RIPOR3: variants seen among roughly 807,000 people sequenced by gnomAD.
The protein encoded by RIPOR3 is RIPOR family member 3.
RIPOR3 carries 95 observed loss-of-function variants against 114.3 expected under a neutral mutation model. The ratio of observed to expected loss-of-function variants is 0.83; its 90% CI spans 0.70 to 0.99. RIPOR3 has a LOEUF of 0.99. RIPOR3 is among the 50% of genes least tolerant of loss of function. RIPOR3 has a pLI of 0.00. For synonymous variants in RIPOR3, 575 were observed against 543.8 expected, an observed-to-expected ratio of 1.06 and a Z score of -0.80; for missense variants, 1,252 against 1,266.9, an observed-to-expected ratio of 0.99 and a Z score of 0.18.
intron 1 of RIPOR3, among the ~76,000 whole-genome samples, chr20:50,677,367 CTTTT>C (rs34725648): frequency 8.3e-5 from 8 of 96,772 alleles, no homozygotes; most frequent in East Asian, 6.1e-4. Flanking sequence ...TCTTGTTTTA[CTTTT>C]TTTTTTTTTT....
intron 1 of RIPOR3, among the ~76,000 whole-genome samples, chr20:50,671,420 GCGCGCGCGCACACACACA>G: frequency 5.5e-5 from 1 of 18,258 alleles, no homozygotes; most frequent in South Asian, 4.5e-3. Flanking sequence ...GCGCGTGCAC[GCGCGCGCGCACACACACA>G]CACACACACA....
intron 1 of RIPOR3, among the ~76,000 whole-genome samples, chr20:50,640,883 T>C (rs1449076986): frequency 6.6e-6 from 1 of 152,076 alleles, no homozygotes; most frequent in African/African-American, 2.4e-5. Flanking sequence ...GTATTCATTG[T>C]TATAGCAAGT....
intron 1 of RIPOR3, among the ~76,000 whole-genome samples, chr20:50,669,088 T>C (rs927642522): frequency 6.6e-6 from 1 of 152,022 alleles, no homozygotes; most frequent in South Asian, 2.1e-4. Flanking sequence ...TATGTACACA[T>C]GGCGCGCACA....
intron 11 of RIPOR3, among the ~76,000 whole-genome samples, chr20:50,607,665 G>C (rs1339231786): frequency 1.3e-5 from 2 of 152,078 alleles, no homozygotes; most frequent in South Asian, 2.1e-4. Flanking sequence ...GACAGGTGAG[G>C]ACCCCGAGGG....
At chr20:50,624,284 C>G (rs898958913) in intron 2 of RIPOR3, among the ~76,000 whole-genome samples, 4 of 152,204 alleles carry the variant, frequency 2.6e-5, no homozygotes, top group Non-Finnish European at 5.9e-5. Flanking sequence ...CAGAGACGGT[C>G]AGGGCTGCAG....
intron 1 of RIPOR3, among the ~76,000 whole-genome samples, chr20:50,684,470 C>T (rs1052947060): frequency 1.3e-5 from 2 of 152,178 alleles, no homozygotes; most frequent in Admixed American, 6.5e-5. Flanking sequence ...GCCCTGCAGG[C>T]CTTGTGGGCC....
chr20:50,620,216 G>T, intron 2 of RIPOR3, 84 bp from the exon 3 acceptor site: 2 of 1,535,184 alleles, frequency 1.3e-6, no homozygotes, highest in South Asian at 2.4e-5. Context: ...TGGAAATAGT[G>T]ACCAGAGCCA....
chr20:50,600,421 G>A (rs1160314699), intron 13 of RIPOR3, among the ~76,000 whole-genome samples: 8 of 152,172 alleles, frequency 5.3e-5, no homozygotes, highest in Non-Finnish European at 7.3e-5. Flanking sequence ...TGTGACAAAT[G>A]TGCATGCCGA....
At chr20:50,655,320 C>T (rs1472617012) in intron 1 of RIPOR3, among the ~76,000 whole-genome samples, 1 of 152,182 alleles carries the variant, frequency 6.6e-6, no homozygotes. Flanking sequence ...GGAGCTGAGA[C>T]GGGGTGGGAA....
At chr20:50,614,647 C>T (rs1332942286) in intron 4 of RIPOR3, 3 of 170,360 alleles carry the variant, frequency 1.8e-5, no homozygotes, top group Non-Finnish European at 4.4e-5. Flanking sequence ...ATACAGGACA[C>T]CTAATTAAAA....
At chr20:50,677,011 T>C (rs1240155805) in intron 1 of RIPOR3, among the ~76,000 whole-genome samples, 1 of 152,188 alleles carries the variant, frequency 6.6e-6, no homozygotes, top group Non-Finnish European at 1.5e-5. Flanking sequence ...TCAACACAGA[T>C]AACTAATAAT....
intron 1 of RIPOR3, among the ~76,000 whole-genome samples, chr20:50,653,478 C>T (rs923203925): frequency 9.2e-5 from 14 of 151,920 alleles, no homozygotes; most frequent in Non-Finnish European, 2.1e-4. Flanking sequence ...CTCTATTACC[C>T]AGGCTGGAGT....
chr20:50,664,416 C>T (rs2086113851), intron 1 of RIPOR3, among the ~76,000 whole-genome samples: 1 of 152,200 alleles, frequency 6.6e-6, no homozygotes, highest in African/African-American at 2.4e-5. Flanking sequence ...AGCAGTCGCA[C>T]TGTTGGCTTT....
intron 1 of RIPOR3, among the ~76,000 whole-genome samples, chr20:50,669,609 G>A (rs2086389250): frequency 6.6e-6 from 1 of 152,200 alleles, no homozygotes; most frequent in South Asian, 2.1e-4. Context: ...GGCTTGGGAG[G>A]AAAGTGCTCT....
In RIPOR3 at chr20:50,660,766, T is replaced by G. The variant is rs1420350871; in HGVS notation, c.4-29910A>C. 5.5e-5 allele frequency among the ~76,000 whole-genome samples: 8 copies of G among 146,164 alleles called. No individual in the cohort carries two copies. The East Asian group carries it at 1.4e-3, about 25-fold the overall frequency. On this transcript the variant is annotated intron_variant, in intron 1 of 21. Coordinates refer to ENST00000327979, the MANE Select transcript of RIPOR3 (RefSeq NM_001290268.2). ...GGATTTACCTTTTTTTTTTTTTTTT[T>G]TTTTTTGAGACAGGGTCTTGCTCTG...
At chr20:50,626,053 G>T (rs2084607117) in intron 2 of RIPOR3, among the ~76,000 whole-genome samples, 1 of 152,252 alleles carries the variant, frequency 6.6e-6, no homozygotes. Flanking sequence ...CTGCCCTCCT[G>T]CCAGGTTGTT....
intron 2 of RIPOR3, among the ~76,000 whole-genome samples, chr20:50,630,219 TG>T: frequency 6.6e-6 from 1 of 152,280 alleles, no homozygotes; most frequent in South Asian, 2.1e-4. Context: ...CCGCCCGCCT[TG>T]GACTCCCAAA....
At chr20:50,655,028 C>T (rs2085759552) in intron 1 of RIPOR3, among the ~76,000 whole-genome samples, 1 of 152,248 alleles carries the variant, frequency 6.6e-6, no homozygotes, top group East Asian at 1.9e-4. Context: ...GGATTATGGG[C>T]GTGAGCCACT....
At chr20:50,620,490 G>C (rs1184840994) in intron 2 of RIPOR3, among the ~76,000 whole-genome samples, 1 of 152,058 alleles carries the variant, frequency 6.6e-6, no homozygotes, top group East Asian at 1.9e-4. Flanking sequence ...AGCCGGATGT[G>C]GTGGTACGTG....
Sources: gnomAD v4.1 joint callset for allele counts (sites outside exome capture counted in the v4.1 genomes callset) on GRCh38, gnomAD v4.1.1 for gene constraint, MANE v1.5 for transcripts, NCBI Gene and HGNC (gene_info 2026-07-23, HGNC 2026-07-21) for gene names.